IQGAP3: variants seen among roughly 807,000 people sequenced by gnomAD.
IQGAP3 encodes the protein ras GTPase-activating-like protein IQGAP3.
A neutral mutation model predicts 208.2 loss-of-function variants in IQGAP3; 165 were observed. The observed-to-expected ratio is 0.79, with a 90% CI of 0.70 to 0.90. The LOEUF (loss-of-function observed/expected upper bound fraction) is 0.90. Ranked by LOEUF, IQGAP3 falls within the 40% of genes least tolerant of loss-of-function variation. The pLI is 0.00. For synonymous variants in IQGAP3, 703 were observed against 803.6 expected (o/e 0.87, Z 2.12); for missense variants, 1,811 against 2,043.1 (o/e 0.89, Z 2.19).
At chr1:156,529,639 G>A (rs1674282599) in intron 34 of IQGAP3, among the ~76,000 whole-genome samples, 1 of 152,004 alleles carries the variant, frequency 6.6e-6, no homozygotes, top group South Asian at 2.1e-4. Flanking sequence ...ACAAAAATTT[G>A]GCTGGGTGCA....
chr1:156,549,090 T>C (rs1571338582), intron 16 of IQGAP3, among the ~76,000 whole-genome samples: 1 of 152,252 alleles, frequency 6.6e-6, no homozygotes, highest in South Asian at 2.1e-4. Flanking sequence ...TTTGGGAGGC[T>C]GAGGCAGGCA....
intron 8 of IQGAP3, 86 bp downstream of exon 8, chr1:156,563,048 G>A: frequency 8.4e-7 from 1 of 1,183,440 alleles, no homozygotes. Context: ...GGATACTAGA[G>A]ACATGACAGA....
chr1:156,564,496 C>T, intron 5 of IQGAP3, 119 bp downstream of exon 5: 1 of 770,224 alleles, frequency 1.3e-6, no homozygotes, highest in Non-Finnish European at 2.4e-6. Context: ...ACCTCACTCT[C>T]CTGAGCAGTG....
chr1:156,533,148 C>T lies in IQGAP3; in HGVS notation c.3977-42G>A, dbSNP rs780546786. The T allele has an allele frequency of 4.4e-6, 7 of 1,608,306 alleles. No homozygotes were observed. The South Asian group carries it at 7.7e-5, about 18-fold the overall frequency. ...AATGAGAGGGAGACAGGCATACACA[C>T]ACACATGCGCACACACACATACACA... On this transcript the variant is annotated intron_variant, in intron 31 of 37. Coordinates refer to ENST00000361170, the MANE Select transcript of IQGAP3 (RefSeq NM_178229.5).
Position 156,539,363 on chromosome 1 carries a change from G to A in IQGAP3, c.3056+11C>T, listed in dbSNP as rs1571323714. On this transcript the variant is annotated intron_variant, in intron 25 of 37. Coordinates refer to ENST00000361170, the MANE Select transcript of IQGAP3 (RefSeq NM_178229.5). ...ATTCTCTCCCCATTCCTTTGTGTCT[G>A]GAGAGCCTACTTGATTTCCTCCTGG... is the stretch of plus-strand genomic sequence containing the variant. The A allele has an allele frequency of 6.2e-7, 1 of 1,612,366 alleles. No homozygotes were observed. Among genetic ancestry groups the A allele is most frequent in the Non-Finnish European group, 8.5e-7 (1 of 1,179,164 alleles).
chr1:156,563,405 TC>T, intron 7 of IQGAP3, 93 bp from the exon 8 acceptor site: 2 of 1,423,354 alleles, frequency 1.4e-6, no homozygotes, highest in Non-Finnish European at 9.5e-7. Flanking sequence ...TCATCCTTTT[TC>T]CCACCCTCAA....
chr1:156,539,183 G>T, intron 25 of IQGAP3, 150 bp from the exon 26 acceptor site: 1 of 838,612 alleles, frequency 1.2e-6, no homozygotes, highest in Non-Finnish European at 1.9e-6. Flanking sequence ...CTTTGTGTTA[G>T]CATGTCAGCC....
At chr1:156,571,456 C>T (rs1406222818) in intron 1 of IQGAP3, among the ~76,000 whole-genome samples, 5 of 152,142 alleles carry the variant, frequency 3.3e-5, no homozygotes, top group African/African-American at 1.2e-4. Context: ...TAAATTAAAA[C>T]ACATGCGTGC....
intron 26 of IQGAP3, among the ~76,000 whole-genome samples, chr1:156,538,057 A>T (rs903710012): frequency 2.6e-5 from 4 of 151,322 alleles, no homozygotes; most frequent in African/African-American, 9.7e-5. Flanking sequence ...ACACCCGGCG[A>T]ATTTTTGTAT....
intron 24 of IQGAP3, 68 bp downstream of exon 24, chr1:156,539,770 A>G: frequency 6.4e-7 from 1 of 1,565,066 alleles, no homozygotes; most frequent in Non-Finnish European, 8.8e-7. Flanking sequence ...CGCACAGACA[A>G]GAAGGCCTTG....
chr1:156,554,429 G>C, intron 12 of IQGAP3, 37 bp from the exon 13 acceptor site: 1 of 1,561,974 alleles, frequency 6.4e-7, no homozygotes, highest in Non-Finnish European at 8.6e-7. Flanking sequence ...CAAGTGGGCA[G>C]GTGAAGGGTC....
chr1:156,558,346 C>T (rs1259010794), intron 11 of IQGAP3, among the ~76,000 whole-genome samples: 102 of 46,608 alleles, frequency 2.2e-3, no homozygotes, highest in African/African-American at 5.7e-3. Context: ...CTCTGCCTGG[C>T]GAGCCGCCCC....
At position 156,561,819 on chromosome 1, in the gene IQGAP3, G is replaced by T. The variant is rs753361935; in HGVS notation, c.1041+19C>A. 2 of 1,612,686 alleles carry T rather than the reference G, an allele frequency of 1.2e-6. No homozygotes were observed. The highest frequency in any genetic ancestry group is 1.7e-6 in the Non-Finnish European group (2 of 1,179,090). On this transcript the variant is annotated intron_variant, in intron 10 of 37. Transcript: ENST00000361170. ...TATAGTCACATACAGGGGGTGGCAG[G>T]TAATAGACAGAGGCTAACCTGTGCC...
Position 156,534,380 on chromosome 1 carries a change from G to A in IQGAP3, c.3740+121C>T, listed in dbSNP as rs532711902. The stretch of plus-strand genomic sequence containing the variant: ...CTTCCAACAACCTATCCTCCACCCC[G>A]CTCATTATGCTCATCCCTTCTATTT... On this transcript the variant is annotated intron_variant, in intron 29 of 37. Coordinates refer to ENST00000361170, the MANE Select transcript of IQGAP3 (RefSeq NM_178229.5). 147 of 907,058 alleles carry A rather than the reference G, an allele frequency of 1.6e-4. 1 individual carries two copies. In the South Asian group the frequency reaches 2.1e-3, roughly 13 times the overall value. The allele number at this position is 907,058 out of a possible 1,614,324, so 56.2% of individuals were successfully genotyped here. A position where few individuals can be genotyped will look rare whatever the true frequency, so the allele number is the denominator to read the frequency against.
intron 25 of IQGAP3, 38 bp downstream of exon 25, chr1:156,539,336 C>A: frequency 2.5e-6 from 4 of 1,592,126 alleles, no homozygotes; most frequent in Non-Finnish European, 3.4e-6. Flanking sequence ...ATCTCTTAAC[C>A]CATTCTCTCC....
rs1413595212 is a variant in IQGAP3 at position 156,544,331 on chromosome 1, A to G, written c.2388+58T>C. The G allele has an allele frequency of 3.2e-6, 5 of 1,568,734 alleles. No individual in the cohort carries two copies. The Admixed American group carries it at 5.0e-5, about 16-fold the overall frequency. On this transcript the variant is annotated intron_variant, in intron 20 of 37. Coordinates refer to ENST00000361170, the MANE Select transcript of IQGAP3 (RefSeq NM_178229.5). ...GTCACAAGAAGGTGACAAGACTACA[A>G]GATTGTTCTCAGACGGTCCTTTGAG...
At chr1:156,572,260 A>T (rs942982796) in intron 1 of IQGAP3, among the ~76,000 whole-genome samples, 4 of 152,230 alleles carry the variant, frequency 2.6e-5, no homozygotes, top group Non-Finnish European at 5.9e-5. Context: ...AATAGGAAGA[A>T]AGTTCTTTGT....
chr1:156,539,523 G>T lies in IQGAP3; in HGVS notation c.2907C>A (p.Tyr969Ter). 1 of 1,614,210 alleles carries T rather than the reference G, an allele frequency of 6.2e-7. No individual in the cohort carries two copies. The change falls in exon 25 of 38, where the codon TAC (tyrosine) becomes TAA (stop). Residue 969 changes from tyrosine to a stop codon, truncating the protein, a stop_gained. Coordinates refer to ENST00000361170, the MANE Select transcript of IQGAP3 (RefSeq NM_178229.5). LOFTEE classifies it high-confidence loss of function. ...GCATCTGAAAGATCAGCTTGGCCAG[G>T]TAGATGGGCTGAGTCTGCAAGCAAG... ...LFYLLQTQPI[Y>*]LAKLIFQMPQ... is the part of the protein sequence containing the mutation.
In IQGAP3 at chr1:156,526,447, G is replaced by T; in HGVS notation, c.*39C>A. 7.9e-7 allele frequency: 1 copy of T among 1,273,278 alleles called. No homozygotes were observed. The highest frequency in any genetic ancestry group is 1.1e-6 in the Non-Finnish European group (1 of 869,706). 78.9% of individuals were successfully genotyped at this position (1,273,278 alleles called of 1,614,324 possible). ...GAGTTAGTGTTAAAGAAAGCATCCA[G>T]AGAGGTAAGAGGGGCTTGGGTAGCA... On this transcript the variant is annotated 3_prime_UTR_variant, in exon 38 of 38. Transcript: ENST00000361170.
Sources: gnomAD v4.1 joint callset for allele counts (sites outside exome capture counted in the v4.1 genomes callset) on GRCh38, gnomAD v4.1.1 for gene constraint, MANE v1.5 for transcripts, NCBI Gene and HGNC (gene_info 2026-07-23, HGNC 2026-07-21) for gene names.